Variants in VPS53 observed in about 807,000 individuals in gnomAD.
VPS53 encodes VPS53 subunit of GARP complex, also known as vacuolar protein sorting-associated protein 53 homolog.
Under a neutral mutation model 107.0 loss-of-function variants are expected in VPS53, and 70 were observed. That is an observed-to-expected ratio of 0.65 (90% CI 0.54 to 0.80). The LOEUF (loss-of-function observed/expected upper bound fraction) is 0.80. Ranked by LOEUF, VPS53 falls within the 30% of genes least tolerant of loss-of-function variation. The pLI is 0.00. For synonymous variants in VPS53, 409 were observed against 393.3 expected, an observed-to-expected ratio of 1.04 and a Z score of -0.47; for missense variants, 917 against 1,049.4, an observed-to-expected ratio of 0.87 and a Z score of 1.74.
At chr17:588,117 A>T (rs1221657728) in intron 12 of VPS53, among the ~76,000 whole-genome samples, 1 of 152,204 alleles carries the variant, frequency 6.6e-6, no homozygotes, top group Admixed American at 6.5e-5. Flanking sequence ...GGAGTTCAAG[A>T]CCAGCATGGC....
At chr17:703,543 G>C (rs1200379597) in intron 2 of VPS53, among the ~76,000 whole-genome samples, 2 of 152,216 alleles carry the variant, frequency 1.3e-5, no homozygotes, top group African/African-American at 2.4e-5. Flanking sequence ...TGGCTGGGCA[G>C]AGGGGTTTAT....
At position 653,351 on chromosome 17, in the gene VPS53, T is replaced by C; in HGVS notation, c.548A>G (p.Asn183Ser). 2.5e-6 allele frequency: 4 copies of C among 1,614,248 alleles called. No individual in the cohort carries two copies. Among genetic ancestry groups the C allele is most frequent in the Non-Finnish European group, 2.5e-6 (3 of 1,180,044 alleles). Residue 183 changes from asparagine to serine, a missense_variant, in exon 7 of 22, where the codon AAT becomes AGT. Transcript: ENST00000437048. The stretch of plus-strand genomic sequence containing the variant: ...ATACTTGTGGAAGTGCTCCAGGACA[T>C]TCATCACACCCTGAAGGAGATTAGC... ...EVANLLQGVMNVLEHFHKYMG... is the reference protein window; with the variant it reads ...EVANLLQGVMSVLEHFHKYMG...
At position 633,173 on chromosome 17, in the gene VPS53, CGCCCCGCAATGGATCAG is replaced by C. The variant is rs1480559520; in HGVS notation, c.609-1562_609-1546del. 5.3e-5 allele frequency among the ~76,000 whole-genome samples: 8 copies of C among 152,288 alleles called. No homozygotes were observed. The East Asian group carries it at 1.5e-3, about 29-fold the overall frequency. ...ATGGATCATACCCCACGATCAATCA[CGCCCCGCAATGGATCAG>C]GCCCCGCAATCACGTCCCGCAATCG... is the stretch of plus-strand genomic sequence containing the variant. On this transcript the variant is annotated intron_variant, in intron 7 of 21. Coordinates refer to ENST00000437048, the MANE Select transcript of VPS53 (RefSeq NM_001128159.3).
chr17:673,029 G>A (rs891512859), intron 4 of VPS53, among the ~76,000 whole-genome samples: 7 of 151,240 alleles, frequency 4.6e-5, no homozygotes, highest in Admixed American at 1.3e-4. Flanking sequence ...GGAGAATGGC[G>A]TGAACCCAGG....
intron 19 of VPS53, among the ~76,000 whole-genome samples, chr17:529,398 TCACACACACA>T (rs3084065): frequency 5.3e-5 from 8 of 150,200 alleles, no homozygotes; most frequent in African/African-American, 1.2e-4. Flanking sequence ...ACACACACAC[TCACACACACA>T]CACACACACA....
chr17:558,212 A>C lies in VPS53; in HGVS notation c.1704+2214T>G, dbSNP rs563297586. Reference sequence around the variant, plus strand: ...GCTGGGCATGGTGGCTCACGCCTATAATCCCAGCACTTTGGAAGGCCAAGG... The same window carrying C: ...GCTGGGCATGGTGGCTCACGCCTATCATCCCAGCACTTTGGAAGGCCAAGG... On this transcript the variant is annotated intron_variant, in intron 15 of 21. Transcript: ENST00000437048. Among the ~76,000 whole-genome samples the C allele has an allele frequency of 7.2e-4, 110 of 152,344 alleles. 2 individuals are homozygous for C. The South Asian group carries it at 0.016, about 22-fold the overall frequency.
chr17:626,224 T>C (rs1969702172), intron 10 of VPS53, among the ~76,000 whole-genome samples: 1 of 151,228 alleles, frequency 6.6e-6, no homozygotes. Context: ...AAAAAAAAAG[T>C]CTGACTCTGG....
At position 511,110 on chromosome 17, in the gene VPS53, C is replaced by G. The variant is rs1907919626; in HGVS notation, c.*8018G>C. ...CTTTATATAGCATTTGATATGTATT[C>G]CATTTGCCTTCTAAAGCCCTCCAGT... On this transcript the variant is annotated 3_prime_UTR_variant, in exon 22 of 22. Transcript: ENST00000437048. The G allele has an allele frequency of 6.6e-6, 1 of 152,150 alleles. No individual in the cohort carries two copies. The highest frequency in any genetic ancestry group is 6.5e-5 in the Admixed American group (1 of 15,272). The allele number at this position is 152,150 out of a possible 1,614,324, so 9.4% of individuals were successfully genotyped here.
At chr17:642,613 G>GGGACAACACTCATACTTGGAAAGCGA (rs1567700737) in intron 7 of VPS53, among the ~76,000 whole-genome samples, 5 of 64,708 alleles carry the variant, frequency 7.7e-5, no homozygotes, top group African/African-American at 2.5e-4. Context: ...TTGGCAACTG[G>GGGACAACACTCATACTTGGAAAGCGA]GGACAACACT....
intron 13 of VPS53, among the ~76,000 whole-genome samples, chr17:568,063 G>A (rs896165024): frequency 2.6e-5 from 4 of 152,074 alleles, no homozygotes; most frequent in African/African-American, 9.7e-5. Context: ...TTGCAGACTG[G>A]GTTTATCCAT....
chr17:521,746 G>A lies in VPS53; in HGVS notation c.2086-8C>T. 1.3e-6 allele frequency: 2 copies of A among 1,537,118 alleles called. No homozygotes were observed. Among genetic ancestry groups the A allele is most frequent in the African/African-American group, 2.7e-5 (2 of 72,828 alleles). ...GTGGGTGTCCAGCAGCAGCTGTGGAGCAAAGCAGAGAGCATTACCGGCCCC... is the reference window on the plus strand; with the variant it reads ...GTGGGTGTCCAGCAGCAGCTGTGGAACAAAGCAGAGAGCATTACCGGCCCC... On this transcript the variant is annotated splice_region_variant and splice_polypyrimidine_tract_variant and intron_variant, in intron 19 of 21. Coordinates refer to ENST00000437048, the MANE Select transcript of VPS53 (RefSeq NM_001128159.3).
chr17:636,588 C>G (rs1290036852), intron 7 of VPS53, among the ~76,000 whole-genome samples: 4 of 152,120 alleles, frequency 2.6e-5, no homozygotes, highest in Non-Finnish European at 5.9e-5. Flanking sequence ...TGAGATAAGT[C>G]CCATCAATGC....
In VPS53 at chr17:536,839, G is replaced by GT. The variant is rs559993565; in HGVS notation, c.2015+188dup. On this transcript the variant is annotated intron_variant, in intron 18 of 21. Transcript: ENST00000437048. ...ACGTGTTGATGCAGGTTCATCCACT[G>GT]TAACGAATGTGCCACTTTGTGTGTG... 4.6e-6 allele frequency: 3 copies of GT among 658,424 alleles called. No homozygotes were observed. In the South Asian group the frequency reaches 6.0e-5, roughly 13 times the overall value. 40.8% of individuals were successfully genotyped at this position (658,424 alleles called of 1,614,324 possible). A position where few individuals can be genotyped will look rare whatever the true frequency, so the allele number is the denominator to read the frequency against.
chr17:526,459 C>T (rs1169647590), intron 19 of VPS53, among the ~76,000 whole-genome samples: 1 of 152,060 alleles, frequency 6.6e-6, no homozygotes, highest in Non-Finnish European at 1.5e-5. Flanking sequence ...AGGTGAAAAC[C>T]CTGGTCTCAG....
chr17:534,592 C>T (rs1909873067), intron 18 of VPS53, among the ~76,000 whole-genome samples: 1 of 152,162 alleles, frequency 6.6e-6, no homozygotes, highest in African/African-American at 2.4e-5. Context: ...GCTGTGCACA[C>T]AGCGCTTTGT....
intron 9 of VPS53, 100 bp from the exon 10 acceptor site, chr17:627,416 A>G (rs1464489366): frequency 7.5e-7 from 1 of 1,341,938 alleles, no homozygotes; most frequent in Non-Finnish European, 1.0e-6. Flanking sequence ...AAGGGAACCA[A>G]CCTCTGTATT....
At chr17:605,251 T>C (rs1305826691) in intron 11 of VPS53, among the ~76,000 whole-genome samples, 2 of 152,164 alleles carry the variant, frequency 1.3e-5, no homozygotes, top group South Asian at 2.1e-4. Flanking sequence ...ACTGTAGTGG[T>C]GAGAAGAAAA....
chr17:697,623 T>C (rs1241776557), intron 3 of VPS53, 139 bp from the exon 4 acceptor site: 13 of 696,424 alleles, frequency 1.9e-5, no homozygotes, highest in Non-Finnish European at 3.0e-5. Flanking sequence ...CATGTGTGAG[T>C]GGCATCAGGC....
At chr17:646,379 C>T (rs113978437) in intron 7 of VPS53, among the ~76,000 whole-genome samples, 3 of 125,024 alleles carry the variant, frequency 2.4e-5, no homozygotes, top group South Asian at 2.7e-4. Context: ...CACACATCTC[C>T]GTGACCGTGT....
Sources: allele counts gnomAD v4.1 joint callset (sites outside exome capture counted in the v4.1 genomes callset), GRCh38; gene constraint gnomAD v4.1.1; transcripts MANE v1.5; gene names NCBI Gene and HGNC (gene_info 2026-07-23, HGNC 2026-07-21).